The following PKP2 variants were observed in gnomAD, a reference collection of about 807,000 sequenced individuals.
PKP2 encodes the protein plakophilin 2.
PKP2 carries 73 observed loss-of-function variants against 83.4 expected under a neutral mutation model. That is an observed-to-expected ratio of 0.88 (90% CI 0.72 to 1.06). The LOEUF is 1.06. Ranked by LOEUF, PKP2 falls within the 50% of genes least tolerant of loss-of-function variation. The probability of loss-of-function intolerance (pLI) is 0.00; values close to 1 mark genes in which losing one functional copy is unlikely to be tolerated. For synonymous variants in PKP2, 409 were observed against 430.4 expected, an observed-to-expected ratio of 0.95 and a Z score of 0.62; for missense variants, 966 against 1,065.4, an observed-to-expected ratio of 0.91 and a Z score of 1.30.
intron 4 of PKP2, among the ~76,000 whole-genome samples, chr12:32,855,511 C>T (rs756439616): frequency 6.6e-6 from 1 of 152,130 alleles, no homozygotes; most frequent in South Asian, 2.1e-4. Flanking sequence ...TGATGGCTCA[C>T]GCCTGTAATC....
At chr12:32,857,974 C>T (rs554293978) in intron 4 of PKP2, among the ~76,000 whole-genome samples, 5 of 144,342 alleles carry the variant, frequency 3.5e-5, no homozygotes, top group East Asian at 2.1e-4. Flanking sequence ...ACGCCTATAA[C>T]GCCAGCACTT....
intron 3 of PKP2, among the ~76,000 whole-genome samples, chr12:32,872,534 C>A (rs1382110704): frequency 6.7e-6 from 1 of 149,568 alleles, no homozygotes; most frequent in Non-Finnish European, 1.5e-5. Context: ...AAGTCTGTCT[C>A]AAAAAAAAAC....
chr12:32,796,041 C>G, intron 11 of PKP2, 68 bp downstream of exon 11: 2 of 1,324,530 alleles, frequency 1.5e-6, no homozygotes, highest in Non-Finnish European at 2.2e-6. Flanking sequence ...CATTCACAAC[C>G]GGATTATTTA....
intron 4 of PKP2, among the ~76,000 whole-genome samples, chr12:32,853,685 A>G (rs1385507268): frequency 6.6e-6 from 1 of 151,930 alleles, no homozygotes; most frequent in East Asian, 1.9e-4. Context: ...TAATTTTTGT[A>G]TTCTTAGTGG....
chr12:32,829,394 A>G (rs1956477405), intron 6 of PKP2, among the ~76,000 whole-genome samples: 1 of 151,238 alleles, frequency 6.6e-6, no homozygotes, highest in East Asian at 2.0e-4. Context: ...AGCTGGGACT[A>G]CAGGCGCATG....
rs1378958598 is a variant in PKP2, at chr12:32,802,419, A to C, written c.2151T>G (p.Ser717=). The part of the protein sequence containing the change: ...SLLRNLSRNL[S]LQNEIAKETL... ...CCGACTCACCAATTTCATTCTGCAG[A>C]GAAAGATTCCGGGACAGATTCCTCA... is the stretch of plus-strand genomic sequence containing the variant. Residue 717 remains serine (S), a synonymous_variant, in exon 10 of 13, where the codon TCT becomes TCG. Coordinates refer to ENST00000340811, the MANE Select transcript of PKP2 (RefSeq NM_001005242.3). The C allele has an allele frequency of 1.9e-6, 3 of 1,614,042 alleles. No homozygotes were observed. The highest frequency in any genetic ancestry group is 2.5e-6 in the Non-Finnish European group (3 of 1,180,022).
At chr12:32,875,436 GTA>G (rs1435853416) in intron 3 of PKP2, among the ~76,000 whole-genome samples, 1 of 152,168 alleles carries the variant, frequency 6.6e-6, no homozygotes, top group Non-Finnish European at 1.5e-5. Flanking sequence ...TGGTATGTGG[GTA>G]TGTTTGGGGA....
intron 3 of PKP2, among the ~76,000 whole-genome samples, chr12:32,870,670 C>A (rs957099246): frequency 1.3e-5 from 2 of 152,152 alleles, no homozygotes; most frequent in African/African-American, 2.4e-5. Context: ...AGTCAAAACT[C>A]TGTAAGTCTA....
At chr12:32,819,317 A>AC (rs1956353496) in intron 9 of PKP2, among the ~76,000 whole-genome samples, 4 of 147,344 alleles carry the variant, frequency 2.7e-5, no homozygotes, top group Admixed American at 1.3e-4. Flanking sequence ...ACAATACAAT[A>AC]AAATAAAATA....
intron 5 of PKP2, among the ~76,000 whole-genome samples, chr12:32,846,488 T>C (rs1336312602): frequency 2.6e-5 from 4 of 152,114 alleles, no homozygotes; most frequent in African/African-American, 7.2e-5. Flanking sequence ...CTCACGCCTG[T>C]AATCCCAATA....
At chr12:32,820,990 C>T (rs746780180) in intron 9 of PKP2, 1 of 287,472 alleles carries the variant, frequency 3.5e-6, no homozygotes, top group South Asian at 3.6e-5. Flanking sequence ...CAGAGGAAAA[C>T]CAAGCCCGGA....
At chr12:32,827,107 C>CT (rs1198092618) in intron 6 of PKP2, among the ~76,000 whole-genome samples, 1 of 152,228 alleles carries the variant, frequency 6.6e-6, no homozygotes, top group African/African-American at 2.4e-5. Context: ...GCTAAGCCCA[C>CT]TACATACCTT....
chr12:32,868,413 T>G (rs1269808406), intron 4 of PKP2, among the ~76,000 whole-genome samples: 1 of 152,088 alleles, frequency 6.6e-6, no homozygotes, highest in Non-Finnish European at 1.5e-5. Flanking sequence ...AGTTGGGGTT[T>G]CATCATTTGG....
Position 32,823,670 on chromosome 12 carries a change from A to T in PKP2, c.1674+375T>A, listed in dbSNP as rs191948809. ...CGCCCACGCTGGAGTGCAGTGGCGCAATCTCTGCTCACTGCAAGCTCTGGG... is the reference window on the plus strand; with the variant it reads ...CGCCCACGCTGGAGTGCAGTGGCGCTATCTCTGCTCACTGCAAGCTCTGGG... On this transcript the variant is annotated intron_variant, in intron 7 of 12. Transcript: ENST00000340811. 4.9e-3 allele frequency among the ~76,000 whole-genome samples: 736 copies of T among 151,446 alleles called. 9 individuals carry two copies. The highest frequency in any genetic ancestry group is 0.017 in the African/African-American group (690 of 41,222).
chr12:32,875,754 G>T (rs536401866), intron 3 of PKP2, among the ~76,000 whole-genome samples: 13 of 152,164 alleles, frequency 8.5e-5, no homozygotes, highest in Non-Finnish European at 1.8e-4. Context: ...GAGAAGATAA[G>T]AATGACTTCC....
At chr12:32,888,007 C>G (rs1957045022) in intron 1 of PKP2, among the ~76,000 whole-genome samples, 2 of 152,028 alleles carry the variant, frequency 1.3e-5, no homozygotes, top group Admixed American at 6.6e-5. Flanking sequence ...AGGCAAAACC[C>G]CATCTGTACA....
At chr12:32,879,909 A>G (rs1421012376) in intron 1 of PKP2, among the ~76,000 whole-genome samples, 1 of 152,022 alleles carries the variant, frequency 6.6e-6, no homozygotes, top group Non-Finnish European at 1.5e-5. Flanking sequence ...ATTCACAAAA[A>G]TCTAAAAATG....
At chr12:32,895,072 G>A (rs1394404297) in intron 1 of PKP2, among the ~76,000 whole-genome samples, 1 of 152,082 alleles carries the variant, frequency 6.6e-6, no homozygotes, top group African/African-American at 2.4e-5. Context: ...ATTCAGGTTT[G>A]GGAGTTTAAA....
intron 9 of PKP2, among the ~76,000 whole-genome samples, chr12:32,817,529 T>C (rs1263594144): frequency 6.6e-6 from 1 of 152,246 alleles, no homozygotes; most frequent in Non-Finnish European, 1.5e-5. Context: ...CTTATACATG[T>C]TGCAAAAATC....
Sources: allele counts gnomAD v4.1 joint callset (sites outside exome capture counted in the v4.1 genomes callset), GRCh38; gene constraint gnomAD v4.1.1; transcripts MANE v1.5; gene names NCBI Gene and HGNC (gene_info 2026-07-23, HGNC 2026-07-21).